The following CHD6 variants were observed in gnomAD, a reference collection of about 807,000 sequenced individuals.
The protein encoded by CHD6 is chromodomain helicase DNA binding protein 6, also known as ATP-dependent chromatin remodeler CHD6.
A neutral mutation model predicts 276.9 loss-of-function variants in CHD6; 50 were observed. The ratio of observed to expected loss-of-function variants is 0.18; its 90% CI spans 0.14 to 0.23. CHD6 has a LOEUF of 0.23. Among genes scored for constraint, CHD6 ranks in the 10% least tolerant of loss-of-function variants. The probability of loss-of-function intolerance (pLI) is 1.00; values close to 1 mark genes in which losing one functional copy is unlikely to be tolerated. For synonymous variants in CHD6, 1,173 were observed against 1,229.3 expected (o/e 0.95, Z 0.96); for missense variants, 2,564 against 3,365.8 (o/e 0.76, Z 5.89).
At chr20:41,585,527 A>G (rs2045585568) in intron 1 of CHD6, among the ~76,000 whole-genome samples, 3 of 151,990 alleles carry the variant, frequency 2.0e-5, no homozygotes, top group African/African-American at 4.8e-5. Flanking sequence ...AAAAAAAAAA[A>G]AAAAGAAACA....
chr20:41,477,894 G>A (rs547034979), intron 16 of CHD6, among the ~76,000 whole-genome samples: 2 of 152,164 alleles, frequency 1.3e-5, no homozygotes, highest in African/African-American at 4.8e-5. Flanking sequence ...CCTTGAAGAG[G>A]GTAAAATAAA....
intron 29 of CHD6, among the ~76,000 whole-genome samples, chr20:41,424,933 G>C (rs1244666614): frequency 2.0e-5 from 3 of 152,158 alleles, no homozygotes; most frequent in African/African-American, 7.2e-5. Flanking sequence ...GTTTAACTTA[G>C]GAAGAGTGTC....
At chr20:41,546,947 G>A (rs995115994) in intron 2 of CHD6, among the ~76,000 whole-genome samples, 3 of 152,144 alleles carry the variant, frequency 2.0e-5, no homozygotes, top group Admixed American at 6.5e-5. Context: ...TGGTTAATAA[G>A]AAGCACGATT....
intron 1 of CHD6, among the ~76,000 whole-genome samples, chr20:41,580,079 C>T (rs895460321): frequency 5.3e-5 from 8 of 152,220 alleles, no homozygotes; most frequent in African/African-American, 1.9e-4. Context: ...TCAAGTGTAT[C>T]ACCAATTTCC....
chr20:41,571,097 A>G (rs2045410989), intron 1 of CHD6, among the ~76,000 whole-genome samples: 1 of 152,140 alleles, frequency 6.6e-6, no homozygotes, highest in African/African-American at 2.4e-5. Flanking sequence ...TGGGAGTTAC[A>G]GTGGGATTCC....
intron 27 of CHD6, among the ~76,000 whole-genome samples, chr20:41,427,006 G>C (rs1190941115): frequency 1.3e-5 from 2 of 152,092 alleles, no homozygotes; most frequent in African/African-American, 2.4e-5. Flanking sequence ...TAGAGCACAG[G>C]GTCAGAAAGA....
chr20:41,561,067 T>G (rs1306627097), intron 1 of CHD6, among the ~76,000 whole-genome samples: 1 of 152,212 alleles, frequency 6.6e-6, no homozygotes, highest in East Asian at 1.9e-4. Flanking sequence ...AATAAATATT[T>G]TAGGCTTTGT....
At chr20:41,588,547 CA>C (rs1035664219) in intron 1 of CHD6, among the ~76,000 whole-genome samples, 1 of 152,102 alleles carries the variant, frequency 6.6e-6, no homozygotes, top group African/African-American at 2.4e-5. Flanking sequence ...GAGGCAGGTA[CA>C]AAAACCCATC....
rs574760268 is a variant in CHD6 at position 41,502,953 on chromosome 20, C to T, written c.853-3596G>A. 8.3e-4 allele frequency among the ~76,000 whole-genome samples: 127 copies of T among 152,206 alleles called. 1 individual carries two copies. The highest frequency in any genetic ancestry group is 2.7e-3 in the African/African-American group (113 of 41,538). ...CCTGGGAGGTGGAGGTTGCAGTGAG[C>T]GAGACCATGCCACTGCACTCCAGCC... On this transcript the variant is annotated intron_variant, in intron 5 of 36. Transcript: ENST00000373233.
intron 2 of CHD6, among the ~76,000 whole-genome samples, chr20:41,537,868 C>T (rs2044865974): frequency 7.1e-6 from 1 of 141,158 alleles, no homozygotes; most frequent in Non-Finnish European, 1.5e-5. Flanking sequence ...GCAATTCCAT[C>T]ATAGATACAC....
intron 2 of CHD6, among the ~76,000 whole-genome samples, chr20:41,542,208 T>C (rs1664407055): frequency 6.6e-6 from 1 of 152,214 alleles, no homozygotes; most frequent in Non-Finnish European, 1.5e-5. Context: ...TTTGGTGATA[T>C]ATTCTAGGAC....
At chr20:41,476,849 T>C (rs1243399443) in intron 16 of CHD6, among the ~76,000 whole-genome samples, 2 of 151,564 alleles carry the variant, frequency 1.3e-5, no homozygotes, top group African/African-American at 4.8e-5. Context: ...CACGAATATA[T>C]GTGTATATAT....
intron 27 of CHD6, among the ~76,000 whole-genome samples, chr20:41,435,471 G>C (rs1013360): frequency 3.3e-5 from 5 of 151,914 alleles, no homozygotes; most frequent in Admixed American, 6.6e-5. Flanking sequence ...AGGTGTGGTG[G>C]TATGCACCTG....
intron 11 of CHD6, 104 bp from the exon 12 acceptor site, chr20:41,490,125 T>C: frequency 1.1e-6 from 1 of 935,334 alleles, no homozygotes. Context: ...AGATTATCAT[T>C]GAAGGCTTTA....
At position 41,491,833 on chromosome 20, in the gene CHD6, C is replaced by T; in HGVS notation, c.1315-14G>A. 6.2e-7 allele frequency: 1 copy of T among 1,613,470 alleles called. No individual in the cohort carries two copies. The highest frequency in any genetic ancestry group is 8.5e-7 in the Non-Finnish European group (1 of 1,179,570). ...AGCAGGCCGCTCCTAGGGAGGAAAG[C>T]AAACAGCATAATAGATAGAGAATGA... On this transcript the variant is annotated splice_polypyrimidine_tract_variant and intron_variant, in intron 10 of 36. Transcript: ENST00000373233.
rs112048130 is a variant in CHD6, at chr20:41,457,053, A to C, written c.2829+211T>G. On this transcript the variant is annotated intron_variant, in intron 18 of 36. Coordinates refer to ENST00000373233, the MANE Select transcript of CHD6 (RefSeq NM_032221.5). Reference sequence around the variant, plus strand: ...ACACCAAGCTGGGCAATCCTACCTCATAACTGCTTCTACGGATTTCCTTTA... The same window carrying C: ...ACACCAAGCTGGGCAATCCTACCTCCTAACTGCTTCTACGGATTTCCTTTA... Among the ~76,000 whole-genome samples, 14 of 152,324 alleles carry C rather than the reference A, an allele frequency of 9.2e-5. 3 individuals are homozygous for C. The highest frequency in any genetic ancestry group is 3.4e-4 in the African/African-American group (14 of 41,574).
At chr20:41,559,188 T>C (rs533469134) in intron 1 of CHD6, among the ~76,000 whole-genome samples, 2 of 151,032 alleles carry the variant, frequency 1.3e-5, no homozygotes, top group Admixed American at 1.3e-4. Flanking sequence ...AAAGTAAACT[T>C]TGTCTTGTTC....
rs749892189 is a variant in CHD6 at position 41,452,072 on chromosome 20, C to G, written c.3324-47G>C. On this transcript the variant is annotated intron_variant, in intron 21 of 36. Coordinates refer to ENST00000373233, the MANE Select transcript of CHD6 (RefSeq NM_032221.5). The surrounding 1 kb of genome is among the most constrained non-coding windows in gnomAD (Gnocchi z 4.2). ...GGTGTTGGAGGGAGAATGGACCAGG[C>G]CATGCAGGCAGCCTCCCCACAGGAG... 14 of 1,467,952 alleles carry G rather than the reference C, an allele frequency of 9.5e-6. No homozygotes were observed. The African/African-American group carries it at 1.8e-4, about 19-fold the overall frequency. The allele number at this position is 1,467,952 out of a possible 1,614,324, so 90.9% of individuals were successfully genotyped here. A position where few individuals can be genotyped will look rare whatever the true frequency, so the allele number is the denominator to read the frequency against.
chr20:41,556,238 C>T (rs2045233515), intron 1 of CHD6, among the ~76,000 whole-genome samples: 1 of 150,382 alleles, frequency 6.6e-6, no homozygotes, highest in African/African-American at 2.5e-5. Flanking sequence ...AGAGGGAGAC[C>T]GTGGAAAGAG....
Sources: gnomAD v4.1 joint callset for allele counts (sites outside exome capture counted in the v4.1 genomes callset) on GRCh38, gnomAD v4.1.1 for gene constraint, Gnocchi (gnomAD v3.1) non-coding constraint, MANE v1.5 for transcripts, NCBI Gene and HGNC (gene_info 2026-07-23, HGNC 2026-07-21) for gene names.